CNTN6: variants seen among roughly 807,000 people sequenced by gnomAD.
The protein encoded by CNTN6 is contactin-6.
CNTN6 carries 137 observed loss-of-function variants against 122.8 expected under a neutral mutation model. The observed-to-expected ratio is 1.12, with a 90% CI of 0.97 to 1.29. The LOEUF is 1.29. CNTN6 is among the 50% of genes most tolerant of loss of function. The pLI, the probability that CNTN6 is intolerant of heterozygous loss-of-function variation, is 0.00. For missense variants in CNTN6, 1,634 were observed against 1,223.4 expected (o/e 1.34, Z -5.01); for synonymous variants, 570 against 426.0 (o/e 1.34, Z -4.16).
chr3:1,103,986 T>C (rs1409480970), intron 1 of CNTN6, among the ~76,000 whole-genome samples: 1 of 152,094 alleles, frequency 6.6e-6, no homozygotes, highest in African/African-American at 2.4e-5. Context: ...TAATAATATT[T>C]TTATTCAACA....
intron 20 of CNTN6, among the ~76,000 whole-genome samples, chr3:1,386,736 A>AAAT (rs902282006): frequency 6.6e-6 from 1 of 152,130 alleles, no homozygotes; most frequent in Admixed American, 6.5e-5. Context: ...GAAAGATAAC[A>AAAT]AATATAGTTG....
intron 1 of CNTN6, among the ~76,000 whole-genome samples, chr3:1,096,325 A>G (rs978403718): frequency 4.0e-5 from 6 of 151,754 alleles, no homozygotes; most frequent in Admixed American, 6.6e-5. Flanking sequence ...TTCCATTTTC[A>G]TTAACTTTTT....
chr3:1,126,978 C>T (rs1231515726), intron 1 of CNTN6, among the ~76,000 whole-genome samples: 3 of 151,716 alleles, frequency 2.0e-5, no homozygotes, highest in Non-Finnish European at 4.4e-5. Context: ...TATATATAGA[C>T]ATCTGCATAC....
At chr3:1,140,360 AG>A (rs1453915293) in intron 1 of CNTN6, among the ~76,000 whole-genome samples, 2 of 152,116 alleles carry the variant, frequency 1.3e-5, no homozygotes, top group Non-Finnish European at 2.9e-5. Flanking sequence ...GTCACATAGT[AG>A]GGGGGGACCC....
intron 2 of CNTN6, among the ~76,000 whole-genome samples, chr3:1,152,097 T>C (rs1317941004): frequency 6.6e-6 from 1 of 152,096 alleles, no homozygotes. Flanking sequence ...CAGATTGTTT[T>C]CATGAGGAAA....
chr3:1,387,558 G>T (rs911055472), intron 20 of CNTN6, among the ~76,000 whole-genome samples: 12 of 151,802 alleles, frequency 7.9e-5, no homozygotes, highest in Admixed American at 2.6e-4. Flanking sequence ...ACTCTTGTGT[G>T]TAGGGGGAGG....
At chr3:1,127,970 G>A (rs1242291980) in intron 1 of CNTN6, among the ~76,000 whole-genome samples, 1 of 151,818 alleles carries the variant, frequency 6.6e-6, no homozygotes, top group Non-Finnish European at 1.5e-5. Flanking sequence ...AGTCTTTAGG[G>A]CCTACAGTTT....
At chr3:1,251,963 A>G (rs3772337) in intron 4 of CNTN6, among the ~76,000 whole-genome samples, 22,769 of 152,128 alleles carry the variant, frequency 0.15, 1,792 homozygotes, top group Middle Eastern at 0.16. Context: ...CACTCTGACT[A>G]ACTAGATGTG....
At chr3:1,309,857 A>G (rs1220477528) in intron 7 of CNTN6, among the ~76,000 whole-genome samples, 1 of 152,188 alleles carries the variant, frequency 6.6e-6, no homozygotes, top group Non-Finnish European at 1.5e-5. Flanking sequence ...ACTATTTTAT[A>G]TAAACCCTAG....
Position 1,278,444 on chromosome 3 carries a change from C to T in CNTN6, c.390C>T (p.Ser130=). 1 of 1,611,076 alleles carries T rather than the reference C, an allele frequency of 6.2e-7. No homozygotes were observed. The highest frequency in any genetic ancestry group is 8.5e-7 in the Non-Finnish European group (1 of 1,177,916). ...YIEDFETKTR[S]TVSVREGQGV... is the part of the protein sequence containing the mutation. ...AAGACTTTGAAACTAAAACAAGAAGCACAGTATCTGTCCGAGAAGGTCAAG... is the reference window on the plus strand; with the variant it reads ...AAGACTTTGAAACTAAAACAAGAAGTACAGTATCTGTCCGAGAAGGTCAAG... Residue 130 remains serine (S), a synonymous_variant, in exon 5 of 23, where the codon AGC becomes AGT. Coordinates refer to ENST00000446702, the MANE Select transcript of CNTN6 (RefSeq NM_001289080.2).
chr3:1,128,317 G>A (rs2092234345), intron 1 of CNTN6: 2 of 151,938 alleles, frequency 1.3e-5, no homozygotes, highest in Admixed American at 1.3e-4. Flanking sequence ...CCCTGAGGAT[G>A]ACATGTGAGG....
chr3:1,273,445 C>T (rs1440993787), intron 4 of CNTN6, among the ~76,000 whole-genome samples: 1 of 152,162 alleles, frequency 6.6e-6, no homozygotes, highest in African/African-American at 2.4e-5. Flanking sequence ...TCGCTGGATG[C>T]TTGTATGGCT....
Position 1,281,180 on chromosome 3 carries a change from C to T in CNTN6, c.454+2672C>T, listed in dbSNP as rs1033812537. Among the ~76,000 whole-genome samples, 8 of 152,238 alleles carry T rather than the reference C, an allele frequency of 5.3e-5. No homozygotes were observed. In the East Asian group the frequency reaches 1.2e-3, roughly 22 times the overall value. On this transcript the variant is annotated intron_variant, in intron 5 of 22. Transcript: ENST00000446702. ...AAGAGAATTATACAAGGGCACGGGT[C>T]GTTGAAGGTCATCTTGGGATTTTGC...
intron 4 of CNTN6, among the ~76,000 whole-genome samples, chr3:1,272,815 T>G (rs1248742862): frequency 3.3e-5 from 5 of 152,178 alleles, no homozygotes; most frequent in Admixed American, 3.3e-4. Flanking sequence ...TTTTCTTGCT[T>G]TAATTAGGCT....
intron 5 of CNTN6, among the ~76,000 whole-genome samples, chr3:1,290,120 C>T (rs369334950): frequency 6.6e-6 from 1 of 152,274 alleles, no homozygotes; most frequent in East Asian, 1.9e-4. Flanking sequence ...AGCCCAGCGG[C>T]TTGTGGTTTA....
At chr3:1,146,321 T>C (rs1341079703) in intron 1 of CNTN6, among the ~76,000 whole-genome samples, 1 of 152,094 alleles carries the variant, frequency 6.6e-6, no homozygotes, top group African/African-American at 2.4e-5. Context: ...CTTTCTCATA[T>C]CTTTGAACAG....
chr3:1,145,496 TA>T (rs1216763851), intron 1 of CNTN6, among the ~76,000 whole-genome samples: 1 of 151,800 alleles, frequency 6.6e-6, no homozygotes, highest in African/African-American at 2.4e-5. Context: ...AATTATTGGG[TA>T]AAAAAATAAT....
intron 1 of CNTN6, among the ~76,000 whole-genome samples, chr3:1,099,960 T>A (rs947924143): frequency 6.6e-6 from 1 of 152,200 alleles, no homozygotes; most frequent in Non-Finnish European, 1.5e-5. Flanking sequence ...CTAAAGATAG[T>A]GTATATATCT....
chr3:1,321,256 T>C (rs559991922), intron 7 of CNTN6, among the ~76,000 whole-genome samples: 2 of 151,800 alleles, frequency 1.3e-5, no homozygotes, highest in Non-Finnish European at 2.9e-5. Context: ...TTGACCACTA[T>C]AATAAATTGA....
Sources: allele counts gnomAD v4.1 joint callset (sites outside exome capture counted in the v4.1 genomes callset), GRCh38; gene constraint gnomAD v4.1.1; transcripts MANE v1.5; gene names NCBI Gene and HGNC (gene_info 2026-07-23, HGNC 2026-07-21).